The following GOLGA6L9 variants were observed in gnomAD, a reference collection of about 807,000 sequenced individuals.
GOLGA6L9 encodes the protein golgin A6 family like 9.
In GOLGA6L9, 19 loss-of-function variants were observed where a neutral mutation model predicts 51.3. The observed-to-expected ratio is 0.37, with a 90% confidence interval of 0.26 to 0.54. The LOEUF is 0.54. Ranked by LOEUF, GOLGA6L9 falls within the 20% of genes least tolerant of loss-of-function variation. GOLGA6L9 has a pLI of 0.83. For synonymous variants in GOLGA6L9, 97 were observed against 184.2 expected (o/e 0.53, Z 3.83); for missense variants, 247 against 464.1 (o/e 0.53, Z 4.30).
chr15:82,419,161 G>T, the GOLGA6L9 span: 1 of 200,742 alleles, frequency 5.0e-6, no homozygotes, highest in Non-Finnish European at 1.0e-5. Context: ...GTTTAAGCAG[G>T]AATACTTCTC....
At chr15:82,419,828 T>A in the GOLGA6L9 span, among the ~76,000 whole-genome samples, 4 of 152,330 alleles carry the variant, frequency 2.6e-5, no homozygotes, top group East Asian at 5.8e-4. Context: ...TTTGTGAGAT[T>A]CTGGAAACGT....
At chr15:82,425,107 A>G (rs1285704721), upstream of GOLGA6L9, among the ~76,000 whole-genome samples, 2 of 149,644 alleles carry the variant, frequency 1.3e-5, no homozygotes, top group Non-Finnish European at 3.0e-5. Flanking sequence ...TATTTGAAAA[A>G]AAATAAGTAA....
At position 82,432,839 on chromosome 15, in the gene GOLGA6L9, T is replaced by C; in HGVS notation, c.287T>C (p.Val96Ala). The C allele has an allele frequency of 6.2e-7, 1 of 1,612,514 alleles. No homozygotes were observed. The highest frequency in any genetic ancestry group is 1.3e-5 in the African/African-American group (1 of 74,886). Residue 96 changes from valine to alanine, a missense_variant, in exon 4 of 9, where the codon GTA (valine) becomes GCA (alanine). By Grantham distance (64) the Val-to-Ala change is moderately conservative. Coordinates refer to ENST00000618348, the MANE Select transcript of GOLGA6L9 (RefSeq NM_198181.4). ...DLESQYQELA[V>A]ALDSSSAIIS... ...CAGAGCCAGTACCAAGAACTAGCAG[T>C]AGCCCTGGATTCAAGCTCCGCAATA...
In GOLGA6L9 at chr15:82,436,894, A is replaced by G. The variant is rs2031711632; in HGVS notation, c.*483A>G. 6.4e-6 allele frequency: 1 copy of G among 156,744 alleles called. No homozygotes were observed. Among genetic ancestry groups the G allele is most frequent in the African/African-American group, 2.5e-5 (1 of 40,634 alleles). 9.7% of individuals were successfully genotyped at this position (156,744 alleles called of 1,614,324 possible). The stretch of plus-strand genomic sequence containing the variant: ...CCTGTATATTCATTACGGAATTCAG[A>G]TAAAATTTCCTTATGTTCTGCTGTT... On this transcript the variant is annotated 3_prime_UTR_variant, in exon 9 of 9. Transcript: ENST00000618348.
At chr15:82,433,113 C>G (rs1196354709) in intron 4 of GOLGA6L9, among the ~76,000 whole-genome samples, 6 of 151,438 alleles carry the variant, frequency 4.0e-5, no homozygotes, top group African/African-American at 1.5e-4. Flanking sequence ...TCCAGACACC[C>G]CTGCTCTAGT....
the GOLGA6L9 span, chr15:82,420,174 A>G: frequency 4.0e-5 from 7 of 175,442 alleles, 1 homozygote; most frequent in African/African-American, 1.2e-4. Context: ...AATTCATTTC[A>G]TTTTCATTTG....
chr15:82,417,337 T>G, the GOLGA6L9 span, among the ~76,000 whole-genome samples: 1 of 152,228 alleles, frequency 6.6e-6, no homozygotes, highest in East Asian at 1.9e-4. Flanking sequence ...TAGGAACCCT[T>G]TGGAGACAAA....
In GOLGA6L9 at chr15:82,438,359, C is replaced by G. The variant is rs1360989160; in HGVS notation, c.*1948C>G. 2.9e-4 allele frequency: 44 copies of G among 151,260 alleles called. No individual in the cohort carries two copies. The East Asian group carries it at 4.4e-3, about 15-fold the overall frequency. The allele number at this position is 151,260 out of a possible 1,614,324, so 9.4% of individuals were successfully genotyped here. On this transcript the variant is annotated 3_prime_UTR_variant, in exon 9 of 9. Transcript: ENST00000618348. ...GAAAAATAAATGTACTATATTAACT[C>G]AAATACCACTCTCTGTGTAGGTATT...
chr15:82,436,146 CCT>C, intron 8 of GOLGA6L9, 77 bp downstream of exon 8: 1 of 806,344 alleles, frequency 1.2e-6, no homozygotes, highest in Non-Finnish European at 1.9e-6. Flanking sequence ...CCACCCCCTC[CCT>C]CTCTCTGAAG....
the GOLGA6L9 span, chr15:82,420,209 A>T: frequency 1.4e-4 from 27 of 186,366 alleles, no homozygotes. Context: ...TGTTACAAAG[A>T]TGATCTATAG....
intron 1 of GOLGA6L9, 127 bp from the exon 2 acceptor site, chr15:82,431,703 A>G: frequency 2.7e-6 from 3 of 1,130,572 alleles, no homozygotes; most frequent in Non-Finnish European, 3.6e-6. Flanking sequence ...TTGTGACAAC[A>G]CCTTGTACAG....
At chr15:82,418,387 C>T in the GOLGA6L9 span, among the ~76,000 whole-genome samples, 2 of 152,138 alleles carry the variant, frequency 1.3e-5, no homozygotes, top group African/African-American at 2.4e-5. Flanking sequence ...AGGACAGAAC[C>T]GTTTGTGGTG....
Position 82,429,883 on chromosome 15 carries a change from G to A in GOLGA6L9, c.-197G>A. 1.3e-6 allele frequency: 1 copy of A among 753,118 alleles called. No homozygotes were observed. 46.7% of individuals were successfully genotyped at this position (753,118 alleles called of 1,614,324 possible). A position where few individuals can be genotyped will look rare whatever the true frequency, so the allele number is the denominator to read the frequency against. On this transcript the variant is annotated 5_prime_UTR_variant, in exon 1 of 9. Coordinates refer to ENST00000618348, the MANE Select transcript of GOLGA6L9 (RefSeq NM_198181.4). ...GGCAGCTTTCCTTATGATGCTACAG[G>A]TCCCTCTGGACATGCTGCGCCTGGC...
At chr15:82,426,001 A>AG (rs1187743714), upstream of GOLGA6L9, among the ~76,000 whole-genome samples, 3 of 127,556 alleles carry the variant, frequency 2.4e-5, no homozygotes, top group Non-Finnish European at 4.9e-5. Context: ...ATATTTAAAA[A>AG]TTTTCTGAAC....
At chr15:82,420,876 T>C in the GOLGA6L9 span, among the ~76,000 whole-genome samples, 1 of 149,384 alleles carries the variant, frequency 6.7e-6, no homozygotes, top group Admixed American at 6.8e-5. Flanking sequence ...AATTTGGTTT[T>C]GTTTAAAGGC....
intron 2 of GOLGA6L9, 110 bp from the exon 3 acceptor site, chr15:82,432,462 G>A: frequency 7.1e-7 from 1 of 1,399,762 alleles, no homozygotes; most frequent in South Asian, 1.3e-5. Flanking sequence ...AAGGTTCCAA[G>A]ATAGGCAGAA....
rs2031477464 is a variant in GOLGA6L9, at chr15:82,433,003, A to G, written c.345+106A>G. ...CTAGGGGCCCCTGATGCCAAGGGCA[A>G]ATGGGGAGCTGGGCACCCAGGTCTC... On this transcript the variant is annotated intron_variant, in intron 4 of 8. Transcript: ENST00000618348. The G allele has an allele frequency of 3.5e-6, 4 of 1,142,094 alleles. No homozygotes were observed. The East Asian group carries it at 9.7e-5, about 28-fold the overall frequency. 70.7% of individuals were successfully genotyped at this position (1,142,094 alleles called of 1,614,324 possible).
At chr15:82,420,764 T>TA in the GOLGA6L9 span, among the ~76,000 whole-genome samples, 6 of 152,176 alleles carry the variant, frequency 3.9e-5, no homozygotes, top group Non-Finnish European at 5.9e-5. Context: ...ATGCAGGCTG[T>TA]AACCGTAATT....
chr15:82,434,328 C>T lies in GOLGA6L9; in HGVS notation c.728C>T (p.Pro243Leu), dbSNP rs1482554876. Reference sequence around the variant, plus strand: ...AGGCTGTGTGAACAGGAGAAGCTGCCAGGGCAGGAGAGGCTGCTGGAAGAG... The same window carrying T: ...AGGCTGTGTGAACAGGAGAAGCTGCTAGGGCAGGAGAGGCTGCTGGAAGAG... ...EERLCEQEKL[P>L]GQERLLEEVE... Residue 243 changes from proline (P) to leucine (L), a missense_variant, in exon 6 of 9, where the codon CCA (proline) becomes CTA (leucine). Around this residue, in one of 9 missense-constraint regions of GOLGA6L9, gnomAD observed 66 missense variants for 66.2 expected, o/e 1.00. Coordinates refer to ENST00000618348, the MANE Select transcript of GOLGA6L9 (RefSeq NM_198181.4). 3.9e-6 allele frequency: 6 copies of T among 1,538,262 alleles called. No individual in the cohort carries two copies. In the East Asian group the frequency reaches 1.4e-4, roughly 37 times the overall value.
Sources: gnomAD v4.1 joint callset for allele counts (sites outside exome capture counted in the v4.1 genomes callset) on GRCh38, gnomAD v4.1.1 for gene constraint, gnomAD v4.1.1 regional missense constraint, MANE v1.5 for transcripts, NCBI Gene and HGNC (gene_info 2026-07-23, HGNC 2026-07-21) for gene names.